The following DCUN1D2 variants were observed in gnomAD, a reference collection of about 807,000 sequenced individuals.
DCUN1D2 encodes the protein defective in cullin neddylation 1 domain containing 2.
DCUN1D2 carries 29 observed loss-of-function variants against 30.9 expected under a neutral mutation model. The observed-to-expected ratio is 0.94, with a 90% CI of 0.70 to 1.28. The LOEUF (loss-of-function observed/expected upper bound fraction) is 1.28, where lower values mean the gene tolerates loss of function less well. Among genes scored for constraint, DCUN1D2 ranks in the 50% most tolerant of loss-of-function variants. The pLI is 0.00. For missense variants in DCUN1D2, 325 were observed against 316.9 expected, an observed-to-expected ratio of 1.03 and a Z score of -0.19; for synonymous variants, 121 against 115.3, an observed-to-expected ratio of 1.05 and a Z score of -0.32.
intron 3 of DCUN1D2, among the ~76,000 whole-genome samples, chr13:113,477,723 T>C (rs1168376472): frequency 6.6e-6 from 1 of 151,476 alleles, no homozygotes; most frequent in East Asian, 1.9e-4. Flanking sequence ...TTTTTTTAAA[T>C]GAAGAAACAT....
At chr13:113,466,877 G>A (rs2044413172) in intron 4 of DCUN1D2, among the ~76,000 whole-genome samples, 1 of 149,850 alleles carries the variant, frequency 6.7e-6, no homozygotes, top group Non-Finnish European at 1.5e-5. Context: ...CACGATCTCG[G>A]CTCACTGCAA....
chr13:113,475,151 C>T (rs899631481), intron 3 of DCUN1D2, among the ~76,000 whole-genome samples: 2 of 152,184 alleles, frequency 1.3e-5, no homozygotes, highest in Non-Finnish European at 2.9e-5. Context: ...CGAAGACATA[C>T]ACGGAAAAGC....
At chr13:113,472,484 G>A (rs1169226223) in intron 4 of DCUN1D2, among the ~76,000 whole-genome samples, 2 of 152,168 alleles carry the variant, frequency 1.3e-5, no homozygotes, top group African/African-American at 2.4e-5. Flanking sequence ...GGAAGGGAGC[G>A]GTCACCAACA....
Position 113,490,674 on chromosome 13 carries a change from C to A in DCUN1D2, c.-5G>T. 1.6e-6 allele frequency: 2 copies of A among 1,244,786 alleles called. No homozygotes were observed. The highest frequency in any genetic ancestry group is 2.0e-6 in the Non-Finnish European group (2 of 992,946). 77.1% of individuals were successfully genotyped at this position (1,244,786 alleles called of 1,614,324 possible). On this transcript the variant is annotated 5_prime_UTR_variant, in exon 1 of 7. Transcript: ENST00000478244. This position sits in a 1 kb window ranked among gnomAD's most constrained non-coding sequence, Gnocchi z 5.2. ...CGACGCCGGGCCACCTACCATCTCC[C>A]CCGCGCCGCCCGCTTCTGGCCGGCC... is the stretch of plus-strand genomic sequence containing the variant.
At chr13:113,487,092 CA>C (rs2044818574) in intron 1 of DCUN1D2, among the ~76,000 whole-genome samples, 1 of 152,196 alleles carries the variant, frequency 6.6e-6, no homozygotes, top group Non-Finnish European at 1.5e-5. Context: ...CTGGTAAGAT[CA>C]AATTTAGCTA....
chr13:113,461,974 C>T (rs1022415007), intron 4 of DCUN1D2, among the ~76,000 whole-genome samples: 2 of 151,974 alleles, frequency 1.3e-5, no homozygotes, highest in African/African-American at 4.8e-5. Flanking sequence ...AGTGACCGGC[C>T]GGGCGTGGTG....
intron 4 of DCUN1D2, among the ~76,000 whole-genome samples, chr13:113,469,360 G>C (rs2139697113): frequency 6.6e-6 from 1 of 152,208 alleles, no homozygotes; most frequent in South Asian, 2.1e-4. Flanking sequence ...ATGCATGCTG[G>C]GAAACACACC....
At chr13:113,462,939 T>C in intron 4 of DCUN1D2, 1 of 1,147,982 alleles carries the variant, frequency 8.7e-7, no homozygotes, top group Non-Finnish European at 1.1e-6. Context: ...TTTAATCTAG[T>C]TACTTTGGGT....
Position 113,463,785 on chromosome 13 carries a change from C to T in DCUN1D2, c.521-2649G>A, listed in dbSNP as rs201530238. 4.9e-3 allele frequency among the ~76,000 whole-genome samples: 741 copies of T among 151,862 alleles called. 33 individuals are homozygous for T. The East Asian group carries it at 0.12, about 24-fold the overall frequency. On this transcript the variant is annotated intron_variant, in intron 4 of 6. Coordinates refer to ENST00000478244, the MANE Select transcript of DCUN1D2 (RefSeq NM_001014283.2). The stretch of plus-strand genomic sequence containing the variant: ...AGACACAGACACACACAGACACACA[C>T]AGAGACACACAGACATATATAAACA...
At chr13:113,467,511 A>G (rs910332943) in intron 4 of DCUN1D2, among the ~76,000 whole-genome samples, 53 of 151,952 alleles carry the variant, frequency 3.5e-4, no homozygotes, top group Non-Finnish European at 6.9e-4. Context: ...AAAAAAAAAA[A>G]AGGAGATTTT....
chr13:113,480,492 A>G lies in DCUN1D2; in HGVS notation c.389+83T>C, dbSNP rs576503358. 3.3e-5 allele frequency: 48 copies of G among 1,440,760 alleles called. No homozygotes were observed. In the South Asian group the frequency reaches 5.3e-4, roughly 16 times the overall value. The allele number at this position is 1,440,760 out of a possible 1,614,324, so 89.2% of individuals were successfully genotyped here. On this transcript the variant is annotated intron_variant, in intron 3 of 6. Coordinates refer to ENST00000478244, the MANE Select transcript of DCUN1D2 (RefSeq NM_001014283.2). Reference sequence around the variant, plus strand: ...CACAAAGAAAATAAGCAGATATGAAATTAGTATGTACAGGTTGCTGAAAAA... The same window carrying G: ...CACAAAGAAAATAAGCAGATATGAAGTTAGTATGTACAGGTTGCTGAAAAA...
At position 113,469,795 on chromosome 13, in the gene DCUN1D2, C is replaced by T. The variant is rs182395160; in HGVS notation, c.520+4329G>A. ...TCGAGGCTGCAGTGAGCTATGATCGCGCCACTCCACTCCAGCCTGGGCAAG... is the reference window on the plus strand; with the variant it reads ...TCGAGGCTGCAGTGAGCTATGATCGTGCCACTCCACTCCAGCCTGGGCAAG... On this transcript the variant is annotated intron_variant, in intron 4 of 6. Transcript: ENST00000478244. Among the ~76,000 whole-genome samples the T allele has an allele frequency of 1.9e-3, 293 of 152,232 alleles. 3 individuals are homozygous for T. The highest frequency in any genetic ancestry group is 5.6e-3 in the African/African-American group (233 of 41,530).
At chr13:113,464,639 C>T (rs1282148808) in intron 4 of DCUN1D2, among the ~76,000 whole-genome samples, 1 of 152,220 alleles carries the variant, frequency 6.6e-6, no homozygotes, top group African/African-American at 2.4e-5. Context: ...CTCTGCAGGC[C>T]CAGTGCTTCT....
At chr13:113,471,576 C>G (rs561388883) in intron 4 of DCUN1D2, among the ~76,000 whole-genome samples, 1 of 152,284 alleles carries the variant, frequency 6.6e-6, no homozygotes, top group African/African-American at 2.4e-5. Context: ...CCATGGACGA[C>G]CCACAACACC....
intron 3 of DCUN1D2, among the ~76,000 whole-genome samples, chr13:113,479,596 A>C (rs1001658152): frequency 6.6e-6 from 1 of 152,178 alleles, no homozygotes; most frequent in Non-Finnish European, 1.5e-5. Flanking sequence ...TCCCGTCTCT[A>C]CTAAAAATAC....
Position 113,490,486 on chromosome 13 carries a change from G to T in DCUN1D2, c.3+181C>A. On this transcript the variant is annotated intron_variant, in intron 1 of 6. Coordinates refer to ENST00000478244, the MANE Select transcript of DCUN1D2 (RefSeq NM_001014283.2). The surrounding 1 kb of genome is among the most constrained non-coding windows in gnomAD (Gnocchi z 5.2). ...AAACCCGCGCTCCCCGCGGTCCCGC[G>T]CCTCCGACGCCACCGCTCCGGCTCG... The T allele has an allele frequency of 3.2e-6, 2 of 615,710 alleles. No individual in the cohort carries two copies. Among genetic ancestry groups the T allele is most frequent in the Non-Finnish European group, 4.7e-6 (2 of 427,280 alleles). The allele number at this position is 615,710 out of a possible 1,614,324, so 38.1% of individuals were successfully genotyped here.
chr13:113,480,753 A>C lies in DCUN1D2; in HGVS notation c.221-10T>G. 1 of 1,612,574 alleles carries C rather than the reference A, an allele frequency of 6.2e-7. No homozygotes were observed. The highest frequency in any genetic ancestry group is 1.1e-5 in the South Asian group (1 of 90,566). The stretch of plus-strand genomic sequence containing the variant: ...TTTTCATCTTGTGGATCTGTAGTTA[A>C]TATCAGGGGAAAAGGAAGTTATACT... On this transcript the variant is annotated splice_polypyrimidine_tract_variant and intron_variant, in intron 2 of 6. Coordinates refer to ENST00000478244, the MANE Select transcript of DCUN1D2 (RefSeq NM_001014283.2).
intron 5 of DCUN1D2, among the ~76,000 whole-genome samples, 153 bp downstream of exon 5, chr13:113,460,901 G>A (rs2044307997): frequency 6.6e-6 from 1 of 152,186 alleles, no homozygotes; most frequent in African/African-American, 2.4e-5. Flanking sequence ...AGAGCCAAGT[G>A]GCAACCTGTC....
In DCUN1D2 at chr13:113,459,541, A is replaced by C. The variant is rs925328386; in HGVS notation, c.604-133T>G. On this transcript the variant is annotated intron_variant, in intron 5 of 6. Coordinates refer to ENST00000478244, the MANE Select transcript of DCUN1D2 (RefSeq NM_001014283.2). ...AGGAACAAGTACAATAAAATTGTTA[A>C]AAGTAATAGCGTTCTGTATAAATGT... 5.4e-5 allele frequency: 30 copies of C among 550,770 alleles called. No individual in the cohort carries two copies. The Admixed American group carries it at 9.4e-4, about 17-fold the overall frequency. The allele number at this position is 550,770 out of a possible 1,614,324, so 34.1% of individuals were successfully genotyped here. A position where few individuals can be genotyped will look rare whatever the true frequency, so the allele number is the denominator to read the frequency against.
Sources: allele counts gnomAD v4.1 joint callset (sites outside exome capture counted in the v4.1 genomes callset), GRCh38; gene constraint gnomAD v4.1.1; non-coding constraint Gnocchi (gnomAD v3.1); transcripts MANE v1.5; gene names NCBI Gene and HGNC (gene_info 2026-07-23, HGNC 2026-07-21).